KLHL29: variants seen among roughly 807,000 people sequenced by gnomAD.
KLHL29 encodes the protein kelch like family member 29.
KLHL29 carries 21 observed loss-of-function variants against 80.4 expected under a neutral mutation model. The ratio of observed to expected loss-of-function variants is 0.26; its 90% CI spans 0.19 to 0.38. KLHL29 has a LOEUF of 0.38. KLHL29 is among the 10% of genes least tolerant of loss of function. The probability of loss-of-function intolerance (pLI) is 1.00; values close to 1 mark genes in which losing one functional copy is unlikely to be tolerated. For synonymous variants in KLHL29, 511 were observed against 526.8 expected (o/e 0.97, Z 0.41); for missense variants, 867 against 1,223.9 (o/e 0.71, Z 4.35).
chr2:23,501,502 C>G (rs183494218), intron 2 of KLHL29, among the ~76,000 whole-genome samples: 1 of 152,252 alleles, frequency 6.6e-6, no homozygotes, highest in African/African-American at 2.4e-5. Context: ...TCCATTATCA[C>G]TCAGCCCGAT....
intron 5 of KLHL29, among the ~76,000 whole-genome samples, chr2:23,674,314 A>G (rs971093098): frequency 9.2e-5 from 14 of 152,296 alleles, no homozygotes; most frequent in African/African-American, 3.1e-4. Flanking sequence ...AACAGACACA[A>G]GCCATCTGAG....
chr2:23,489,268 C>A (rs1328800224), intron 2 of KLHL29, among the ~76,000 whole-genome samples: 1 of 152,066 alleles, frequency 6.6e-6, no homozygotes, highest in African/African-American at 2.4e-5. Flanking sequence ...GGCCTACCCG[C>A]GAGCCTGGTT....
At chr2:23,452,696 C>A (rs1231156925) in intron 1 of KLHL29, among the ~76,000 whole-genome samples, 3 of 152,202 alleles carry the variant, frequency 2.0e-5, no homozygotes, top group Non-Finnish European at 4.4e-5. Flanking sequence ...CTCTTATATA[C>A]TGATATACAG....
intron 1 of KLHL29, among the ~76,000 whole-genome samples, chr2:23,433,890 G>C (rs972963864): frequency 6.7e-6 from 1 of 150,010 alleles, no homozygotes; most frequent in Non-Finnish European, 1.5e-5. Context: ...CCGCACTCCA[G>C]CCTGGGCAAT....
chr2:23,658,871 G>A (rs1023590505), intron 5 of KLHL29, among the ~76,000 whole-genome samples: 6 of 152,200 alleles, frequency 3.9e-5, no homozygotes, highest in African/African-American at 1.4e-4. Context: ...GGAGAGACCC[G>A]TGAGGCCCAG....
At chr2:23,653,052 C>T (rs2149164659) in intron 5 of KLHL29, among the ~76,000 whole-genome samples, 1 of 152,324 alleles carries the variant, frequency 6.6e-6, no homozygotes, top group Non-Finnish European at 1.5e-5. Context: ...CACGCTGAAG[C>T]AACTCACCGC....
Position 23,562,060 on chromosome 2 carries a change from A to T in KLHL29, c.-45-92A>T, listed in dbSNP as rs370748409. ...ATGAGCTAATGTTTGAAGGCCTGTTATTGAACCCAGAGAAGGGGCTTCATG... is the reference window on the plus strand; with the variant it reads ...ATGAGCTAATGTTTGAAGGCCTGTTTTTGAACCCAGAGAAGGGGCTTCATG... On this transcript the variant is annotated intron_variant, in intron 2 of 13. Coordinates refer to ENST00000486442, the MANE Select transcript of KLHL29 (RefSeq NM_052920.2). This position sits in a 1 kb window ranked among gnomAD's most constrained non-coding sequence, Gnocchi z 4.5. The T allele has an allele frequency of 1.1e-6, 1 of 938,988 alleles. No homozygotes were observed. The highest frequency in any genetic ancestry group is 2.6e-5 in the East Asian group (1 of 37,914). 58.2% of individuals were successfully genotyped at this position (938,988 alleles called of 1,614,324 possible). A position where few individuals can be genotyped will look rare whatever the true frequency, so the allele number is the denominator to read the frequency against.
chr2:23,677,032 G>A (rs1401300312), intron 5 of KLHL29, among the ~76,000 whole-genome samples: 1 of 152,172 alleles, frequency 6.6e-6, no homozygotes, highest in Non-Finnish European at 1.5e-5. Context: ...TGGACCTAAG[G>A]GACAGGGGCA....
intron 3 of KLHL29, among the ~76,000 whole-genome samples, chr2:23,574,978 G>A (rs151078049): frequency 2.6e-4 from 39 of 152,236 alleles, no homozygotes; most frequent in African/African-American, 8.7e-4. Context: ...CAGCCCCCAG[G>A]GAAGGTTCCT....
intron 2 of KLHL29, among the ~76,000 whole-genome samples, chr2:23,516,567 A>G (rs1665936031): frequency 6.6e-6 from 1 of 152,220 alleles, no homozygotes; most frequent in Non-Finnish European, 1.5e-5. Context: ...GGTTATGATT[A>G]TACCAGCCTC....
At chr2:23,566,885 C>T (rs2103500094) in intron 3 of KLHL29, among the ~76,000 whole-genome samples, 1 of 152,316 alleles carries the variant, frequency 6.6e-6, no homozygotes, top group East Asian at 1.9e-4. Flanking sequence ...TGGGTCTACC[C>T]AGTTATTCAT....
intron 1 of KLHL29, among the ~76,000 whole-genome samples, chr2:23,473,751 C>T (rs2103436951): frequency 6.6e-6 from 1 of 152,262 alleles, no homozygotes; most frequent in South Asian, 2.1e-4. Context: ...TTTGGGCTCT[C>T]AAGTTAGTAG....
intron 3 of KLHL29, among the ~76,000 whole-genome samples, chr2:23,574,282 G>A (rs963487778): frequency 2.6e-5 from 4 of 152,150 alleles, no homozygotes; most frequent in African/African-American, 9.7e-5. Flanking sequence ...GGGCTGCTAG[G>A]AGTGATGAAA....
At chr2:23,524,179 C>T (rs1666208359) in intron 2 of KLHL29, 1 of 386,214 alleles carries the variant, frequency 2.6e-6, no homozygotes, top group South Asian at 1.9e-5. Flanking sequence ...ATGACTTGCT[C>T]AGTGCTGTGC....
chr2:23,511,082 A>G (rs566013355), intron 2 of KLHL29, among the ~76,000 whole-genome samples: 69 of 152,318 alleles, frequency 4.5e-4, no homozygotes, highest in African/African-American at 1.6e-3. Flanking sequence ...TAGAAGTCCA[A>G]GATGAAGCTG....
At chr2:23,688,352 A>G (rs1264748844) in intron 6 of KLHL29, among the ~76,000 whole-genome samples, 1 of 152,072 alleles carries the variant, frequency 6.6e-6, no homozygotes, top group African/African-American at 2.4e-5. Flanking sequence ...CTCACCCACC[A>G]CTGCCCATGG....
intron 1 of KLHL29, among the ~76,000 whole-genome samples, chr2:23,421,736 GTA>G (rs779338160): frequency 3.5e-5 from 5 of 142,972 alleles, no homozygotes; most frequent in South Asian, 2.1e-4. Context: ...TGTGTTGTGT[GTA>G]TGTGTGTGTG....
chr2:23,578,229 G>A (rs1009808895), intron 3 of KLHL29, among the ~76,000 whole-genome samples: 9 of 152,068 alleles, frequency 5.9e-5, no homozygotes, highest in Admixed American at 6.6e-5. Context: ...ATCCTAGCTG[G>A]GGTACCATTG....
chr2:23,498,219 GA>G (rs974003621), intron 2 of KLHL29, among the ~76,000 whole-genome samples: 7 of 152,190 alleles, frequency 4.6e-5, no homozygotes, highest in African/African-American at 1.7e-4. Flanking sequence ...TTTGGATGTA[GA>G]ACTCATCACC....
Sources: allele counts gnomAD v4.1 joint callset (sites outside exome capture counted in the v4.1 genomes callset), GRCh38; gene constraint gnomAD v4.1.1; non-coding constraint Gnocchi (gnomAD v3.1); transcripts MANE v1.5; gene names NCBI Gene and HGNC (gene_info 2026-07-23, HGNC 2026-07-21).